RPL37A: variants seen among roughly 807,000 people sequenced by gnomAD.
RPL37A encodes ribosomal protein L37a.
A neutral mutation model predicts 13.6 loss-of-function variants in RPL37A; 5 were observed. That is an observed-to-expected ratio of 0.37 (90% CI 0.19 to 0.78). The LOEUF is 0.78. Ranked by LOEUF, RPL37A falls within the 30% of genes least tolerant of loss-of-function variation. The probability of loss-of-function intolerance (pLI) is 0.49; values close to 1 mark genes in which losing one functional copy is unlikely to be tolerated. For synonymous variants in RPL37A, 50 were observed against 44.4 expected (o/e 1.13, Z -0.50); for missense variants, 77 against 120.0 (o/e 0.64, Z 1.67).
chr2:216,499,596 G>A, intron 2 of RPL37A, 198 bp downstream of exon 2: 1 of 707,032 alleles, frequency 1.4e-6, no homozygotes, highest in South Asian at 1.9e-5. Flanking sequence ...AAAGAAAACC[G>A]CTTAAACGTT....
rs776132986 is a variant in RPL37A at position 216,498,868 on chromosome 2, C to G, written c.-7C>G. 19 of 1,614,106 alleles carry G rather than the reference C, an allele frequency of 1.2e-5. No homozygotes were observed. The highest frequency in any genetic ancestry group is 1.5e-5 in the Non-Finnish European group (18 of 1,179,948). ...CCTTTCTGGGCTCGGACCTAGGTCG[C>G]GGCGACATGGTGAGTGTGGGTCTCT... On this transcript the variant is annotated 5_prime_UTR_variant, in exon 1 of 4. Coordinates refer to ENST00000491306, the MANE Select transcript of RPL37A (RefSeq NM_000998.5).
chr2:216,499,115 G>A, intron 1 of RPL37A, 155 bp from the exon 2 acceptor site: 1 of 1,206,938 alleles, frequency 8.3e-7, no homozygotes, highest in East Asian at 2.4e-5. Context: ...CCAGCCCTGG[G>A]CACTGGTTTC....
rs182855841 is a variant in RPL37A, at chr2:216,501,231, T to C, written c.216-110T>C. 338 of 779,240 alleles carry C rather than the reference T, an allele frequency of 4.3e-4. 2 individuals are homozygous for C. Among genetic ancestry groups the C allele is most frequent in the Admixed American group, 1.8e-3 (88 of 48,450 alleles). 48.3% of individuals were successfully genotyped at this position (779,240 alleles called of 1,614,324 possible). ...CAGTCTATCTCAGTATAATTCTTTC[T>C]AGGAAAATTTGGGAAGCGACTTTAA... On this transcript the variant is annotated intron_variant, in intron 3 of 3. Transcript: ENST00000491306.
At position 216,501,602 on chromosome 2, in the gene RPL37A, TAA is replaced by T. The variant is rs1695601059; in HGVS notation, c.*199_*200del. The T allele has an allele frequency of 2.3e-6, 1 of 443,876 alleles. No individual in the cohort carries two copies. The highest frequency in any genetic ancestry group is 2.0e-5 in the African/African-American group (1 of 49,846). 27.5% of individuals were successfully genotyped at this position (443,876 alleles called of 1,614,324 possible). A position where few individuals can be genotyped will look rare whatever the true frequency, so the allele number is the denominator to read the frequency against. On this transcript the variant is annotated 3_prime_UTR_variant, in exon 4 of 4. Coordinates refer to ENST00000491306, the MANE Select transcript of RPL37A (RefSeq NM_000998.5). ...AGTAGTCAAATGGTAAAATGCAGCA[TAA>T]GAATATAAGTCTTCCAAGTTAGATA...
At chr2:216,501,205 GCAGTCTATCTCAGTAT>G in intron 3 of RPL37A, 120 bp from the exon 4 acceptor site, 1 of 624,432 alleles carries the variant, frequency 1.6e-6, no homozygotes, top group Admixed American at 2.6e-5. Context: ...TATTGGTAGA[GCAGTCTATCTCAGTAT>G]AATTCTTTCT....
Position 216,501,438 on chromosome 2 carries a change from A to G in RPL37A, c.*34A>G, listed in dbSNP as rs764178869. The G allele has an allele frequency of 3.4e-6, 5 of 1,476,260 alleles. No individual in the cohort carries two copies. In the South Asian group the frequency reaches 3.5e-5, roughly 10 times the overall value. The allele number at this position is 1,476,260 out of a possible 1,614,324, so 91.4% of individuals were successfully genotyped here. A position where few individuals can be genotyped will look rare whatever the true frequency, so the allele number is the denominator to read the frequency against. ...CTACTCTTTGAGACATCACTGGCCT[A>G]TAATAAATGGGTTAATTTATGTAAC... On this transcript the variant is annotated 3_prime_UTR_variant, in exon 4 of 4. Coordinates refer to ENST00000491306, the MANE Select transcript of RPL37A (RefSeq NM_000998.5).
chr2:216,499,705 C>A, intron 2 of RPL37A: 1 of 670,432 alleles, frequency 1.5e-6, no homozygotes, highest in Non-Finnish European at 2.7e-6. Flanking sequence ...TGTTTCTGCA[C>A]CAACTCCCAA....
intron 1 of RPL37A, 81 bp downstream of exon 1, chr2:216,498,958 T>C: frequency 6.4e-7 from 1 of 1,568,598 alleles, no homozygotes; most frequent in Non-Finnish European, 8.8e-7. Context: ...CCATCTCCTC[T>C]CCTGCCTTAC....
chr2:216,502,626 A>G lies in RPL37A; in HGVS notation c.*1222A>G, dbSNP rs980662241. The stretch of plus-strand genomic sequence containing the variant: ...ACTTAATTCACTGCCAATTTAGTCT[A>G]ACTCCTCAACCATCTGTGGTATGGA... On this transcript the variant is annotated 3_prime_UTR_variant, in exon 4 of 4. Coordinates refer to ENST00000491306, the MANE Select transcript of RPL37A (RefSeq NM_000998.5). The G allele has an allele frequency of 6.6e-6, 1 of 152,186 alleles. No individual in the cohort carries two copies. Among genetic ancestry groups the G allele is most frequent in the Non-Finnish European group, 1.5e-5 (1 of 68,038 alleles). 9.4% of individuals were successfully genotyped at this position (152,186 alleles called of 1,614,324 possible).
chr2:216,499,168 A>G (rs1160073467), intron 1 of RPL37A, 102 bp from the exon 2 acceptor site: 4 of 1,387,554 alleles, frequency 2.9e-6, no homozygotes, highest in Non-Finnish European at 4.0e-6. Context: ...TGTAATTCAC[A>G]TGTCGGTCAC....
rs1292478526 is a variant in RPL37A at position 216,501,481 on chromosome 2, T to G, written c.*77T>G. On this transcript the variant is annotated 3_prime_UTR_variant, in exon 4 of 4. Coordinates refer to ENST00000491306, the MANE Select transcript of RPL37A (RefSeq NM_000998.5). ...TATGTAACAAAATTGCCTTGGCTTG[T>G]TAACTTTATTAGACATTCTGATGTT... is the stretch of plus-strand genomic sequence containing the variant. 1.0e-6 allele frequency: 1 copy of G among 961,836 alleles called. No homozygotes were observed. The highest frequency in any genetic ancestry group is 1.7e-6 in the Non-Finnish European group (1 of 605,936). 59.6% of individuals were successfully genotyped at this position (961,836 alleles called of 1,614,324 possible).
intron 1 of RPL37A, 66 bp from the exon 2 acceptor site, chr2:216,499,204 T>G (rs774424196): frequency 1.2e-4 from 188 of 1,549,426 alleles, no homozygotes; most frequent in Non-Finnish European, 1.6e-4. Context: ...AGGAACGGTG[T>G]GTGGAGGCTC....
At position 216,499,293 on chromosome 2, in the gene RPL37A, G is replaced by A. The variant is rs772519750; in HGVS notation, c.27G>A (p.Gly9=). 1.2e-6 allele frequency: 2 copies of A among 1,613,380 alleles called. No homozygotes were observed. The highest frequency in any genetic ancestry group is 1.7e-6 in the Non-Finnish European group (2 of 1,179,990). ...AGGCCAAACGTACCAAGAAAGTCGGGATCGTCGGTAAATACGGGACCCGCT... is the reference window on the plus strand; with the variant it reads ...AGGCCAAACGTACCAAGAAAGTCGGAATCGTCGGTAAATACGGGACCCGCT... The part of the protein sequence containing the change: MAKRTKKV[G]IVGKYGTRYG... Residue 9 remains glycine, a synonymous_variant, in exon 2 of 4, where the codon GGG becomes GGA. Transcript: ENST00000491306.
At chr2:216,500,160 A>G in intron 3 of RPL37A, 129 bp downstream of exon 3, 1 of 699,190 alleles carries the variant, frequency 1.4e-6, no homozygotes, top group Non-Finnish European at 2.5e-6. Flanking sequence ...TTGTATTTTC[A>G]GGATTCTTCC....
chr2:216,498,917 C>A, intron 1 of RPL37A, 40 bp downstream of exon 1: 1 of 1,613,500 alleles, frequency 6.2e-7, no homozygotes, highest in East Asian at 2.2e-5. Context: ...CTCTATCTGC[C>A]TGCATCTGTC....
At chr2:216,498,927 C>G in intron 1 of RPL37A, 50 bp downstream of exon 1, 1 of 1,612,644 alleles carries the variant, frequency 6.2e-7, no homozygotes, top group Non-Finnish European at 8.5e-7. Flanking sequence ...CTGCATCTGT[C>G]CTTGTTTTCT....
chr2:216,501,206 C>G, intron 3 of RPL37A, 135 bp from the exon 4 acceptor site: 1 of 622,606 alleles, frequency 1.6e-6, no homozygotes, highest in Non-Finnish European at 2.9e-6. Context: ...ATTGGTAGAG[C>G]AGTCTATCTC....
At position 216,498,846 on chromosome 2, in the gene RPL37A, T is replaced by C. The variant is rs753218101; in HGVS notation, c.-29T>C. 5 of 1,613,944 alleles carry C rather than the reference T, an allele frequency of 3.1e-6. No homozygotes were observed. In the East Asian group the frequency reaches 8.9e-5, roughly 29 times the overall value. ...GCGCCTGCGCACCGCGTCTCTTCCT[T>C]TCTGGGCTCGGACCTAGGTCGCGGC... On this transcript the variant is annotated 5_prime_UTR_variant, in exon 1 of 4. Coordinates refer to ENST00000491306, the MANE Select transcript of RPL37A (RefSeq NM_000998.5).
intron 1 of RPL37A, 47 bp from the exon 2 acceptor site, chr2:216,499,223 G>C (rs777005817): frequency 2.5e-6 from 4 of 1,588,116 alleles, no homozygotes; most frequent in Admixed American, 1.8e-5. Context: ...TCCAGGGCCT[G>C]CCTGGGTTCC....
Sources: allele counts gnomAD v4.1 joint callset, GRCh38; gene constraint gnomAD v4.1.1; transcripts MANE v1.5; gene names NCBI Gene and HGNC (gene_info 2026-07-23, HGNC 2026-07-21).